The following KMT2C variants were observed in gnomAD, a reference collection of about 807,000 sequenced individuals.
KMT2C encodes the protein histone-lysine N-methyltransferase 2C.
In KMT2C, 88 loss-of-function variants were observed where a neutral mutation model predicts 507.9. The observed-to-expected ratio is 0.17, with a 90% CI of 0.15 to 0.21. The LOEUF (loss-of-function observed/expected upper bound fraction) is 0.21. Among genes scored for constraint, KMT2C ranks in the 10% least tolerant of loss-of-function variants. The pLI, the probability that KMT2C is intolerant of heterozygous loss-of-function variation, is 1.00. For missense variants in KMT2C, 4,954 were observed against 5,957.8 expected (o/e 0.83, Z 5.55); for synonymous variants, 2,049 against 2,080.8 (o/e 0.98, Z 0.42).
At chr7:152,247,615 TAAA>T in intron 14 of KMT2C, among the ~76,000 whole-genome samples, 1 of 152,420 alleles carries the variant, frequency 6.6e-6, no homozygotes, top group Non-Finnish European at 1.5e-5. Flanking sequence ...AGCACAGAAC[TAAA>T]AGAATTTTTA....
At position 152,180,000 on chromosome 7, in the gene KMT2C, C is replaced by G. The variant is rs761701407; in HGVS notation, c.7276G>C (p.Glu2426Gln). The change falls in exon 37 of 59, where the codon GAG becomes CAG. Residue 2426 changes from glutamate (E) to glutamine (Q), a missense_variant. Physicochemically the swap from Glu to Gln is conservative, Grantham distance 29. Transcript: ENST00000262189. ...CTGGTGAAAGCCTGGTTAACATTCT[C>G]TGGTTGCCAGTGTTGAAGAGGCCCT... ...HPGPLQHWQP[E>Q]NVNQAFTRPP... The G allele has an allele frequency of 6.2e-7, 1 of 1,614,166 alleles. No individual in the cohort carries two copies. The highest frequency in any genetic ancestry group is 1.7e-5 in the Admixed American group (1 of 60,030).
intron 18 of KMT2C, among the ~76,000 whole-genome samples, chr7:152,228,244 A>C (rs988029164): frequency 6.6e-6 from 1 of 152,210 alleles, no homozygotes; most frequent in African/African-American, 2.4e-5. Context: ...AAAACTATGG[A>C]GTCCCCAGTA....
intron 15 of KMT2C, among the ~76,000 whole-genome samples, chr7:152,237,252 T>A (rs2129156528): frequency 6.6e-6 from 1 of 152,406 alleles, no homozygotes; most frequent in East Asian, 1.9e-4. Context: ...ATTCCCTATT[T>A]AGCAGAATGG....
intron 2 of KMT2C, among the ~76,000 whole-genome samples, chr7:152,356,697 T>C (rs918401693): frequency 1.6e-4 from 24 of 151,692 alleles, no homozygotes; most frequent in African/African-American, 5.3e-4. Flanking sequence ...AAGACCAGCC[T>C]GGCCAATATG....
intron 6 of KMT2C, among the ~76,000 whole-genome samples, chr7:152,288,878 A>G (rs138513195): frequency 6.6e-6 from 1 of 152,288 alleles, no homozygotes; most frequent in Non-Finnish European, 1.5e-5. Flanking sequence ...ACAAAGCAGC[A>G]TAACATTTTT....
intron 1 of KMT2C, among the ~76,000 whole-genome samples, chr7:152,392,653 G>T (rs1464472109): frequency 2.6e-5 from 4 of 152,158 alleles, no homozygotes; most frequent in Non-Finnish European, 5.9e-5. Flanking sequence ...TATTTTGTGT[G>T]AATGCCCTCC....
chr7:152,186,370 C>T (rs1335379911), intron 33 of KMT2C, among the ~76,000 whole-genome samples: 1 of 152,148 alleles, frequency 6.6e-6, no homozygotes, highest in East Asian at 1.9e-4. Context: ...TGACAACATA[C>T]CCATGTACGT....
chr7:152,139,571 G>T, intron 56 of KMT2C, 104 bp downstream of exon 56: 1 of 783,820 alleles, frequency 1.3e-6, no homozygotes, highest in Non-Finnish European at 2.2e-6. Flanking sequence ...AAAGCTGAAT[G>T]CAGCATGACA....
chr7:152,165,476 A>G (rs2092685500), intron 42 of KMT2C, among the ~76,000 whole-genome samples: 1 of 152,244 alleles, frequency 6.6e-6, no homozygotes, highest in Admixed American at 6.5e-5. Context: ...ATTAACCTAC[A>G]GTAAACATGA....
chr7:152,195,641 G>C (rs572822548), intron 28 of KMT2C: 2 of 660,744 alleles, frequency 3.0e-6, no homozygotes, highest in Non-Finnish European at 3.7e-6. Context: ...ACAAACAAAA[G>C]AAGAAAAAAG....
At position 152,162,484 on chromosome 7, in the gene KMT2C, G is replaced by A. The variant is rs138747124; in HGVS notation, c.11093C>T (p.Thr3698Met). ...DFSQATPNQQ[T>M]YANSEVDKLS... ...CTTGTCTACTTCTGAATTTGCATACGTCTGTTGATTTGGAGTTGCTTGTGA... is the reference window on the plus strand; with the variant it reads ...CTTGTCTACTTCTGAATTTGCATACATCTGTTGATTTGGAGTTGCTTGTGA... Residue 3698 changes from threonine (T) to methionine (M), a missense_variant, in exon 43 of 59, where the codon ACG (threonine) becomes ATG (methionine). Around this residue, in one of 29 missense-constraint regions of KMT2C, gnomAD observed 801 missense variants for 751.2 expected, o/e 1.07. Transcript: ENST00000262189. The A allele has an allele frequency of 6.4e-5, 103 of 1,614,052 alleles. 1 individual carries two copies. The highest frequency in any genetic ancestry group is 4.3e-4 in the African/African-American group (32 of 74,900).
At chr7:152,139,342 T>A (rs1463509716) in intron 56 of KMT2C, 83 bp from the exon 57 acceptor site, 2 of 1,304,950 alleles carry the variant, frequency 1.5e-6, no homozygotes, top group Non-Finnish European at 2.2e-6. Context: ...GAGGACTCAG[T>A]CGAAACTGAA....
rs546136611 is a variant in KMT2C at position 152,144,192 on chromosome 7, TTTGGGTCTGCAGCTCAGGA to T, written c.14343+502_14343+520del. On this transcript the variant is annotated intron_variant, in intron 55 of 58. Transcript: ENST00000262189. The surrounding 1 kb of genome is among the most constrained non-coding windows in gnomAD (Gnocchi z 4.4). Reference sequence around the variant, plus strand: ...AAAATGCTGAACAGGCATTTGGATATTTGGGTCTGCAGCTCAGGAAGTATGGACTATAGGTGTAAACTTA... The same window carrying T: ...AAAATGCTGAACAGGCATTTGGATATAGTATGGACTATAGGTGTAAACTTA... 4.6e-3 allele frequency among the ~76,000 whole-genome samples: 708 copies of T among 152,312 alleles called. 3 individuals are homozygous for T. Among genetic ancestry groups the T allele is most frequent in the Middle Eastern group, 0.01 (3 of 294 alleles).
At chr7:152,215,513 CAAAAAAAAAAAA>C (rs35751147) in intron 23 of KMT2C, among the ~76,000 whole-genome samples, 9 of 25,968 alleles carry the variant, frequency 3.5e-4, no homozygotes, top group Admixed American at 1.6e-3. Flanking sequence ...GACTCTGTCT[CAAAAAAAAAAAA>C]AAAAAAAAAA....
In KMT2C at chr7:152,296,997, A is replaced by G. The variant is rs575884691; in HGVS notation, c.849+12969T>C. 4.6e-3 allele frequency among the ~76,000 whole-genome samples: 269 copies of G among 58,964 alleles called. 3 individuals carry two copies. Among genetic ancestry groups the G allele is most frequent in the African/African-American group, 0.014 (254 of 18,286 alleles). The allele number at this position is 58,964 out of a possible 152,430, so 38.7% of individuals were successfully genotyped here. A position where few individuals can be genotyped will look rare whatever the true frequency, so the allele number is the denominator to read the frequency against. ...ACCACTAAAAAGAAAGAAAGAAAGA[A>G]AAAGAAAGAAAGAAAGAAAGAAAGA... On this transcript the variant is annotated intron_variant, in intron 6 of 58. Transcript: ENST00000262189.
At chr7:152,146,757 A>AT in intron 52 of KMT2C, 22 bp from the exon 53 acceptor site, 1 of 1,607,972 alleles carries the variant, frequency 6.2e-7, no homozygotes, top group Non-Finnish European at 8.5e-7. Flanking sequence ...CAAAAACATA[A>AT]TTTTTATAGG....
At chr7:152,321,236 A>AATAC (rs960296500) in intron 3 of KMT2C, among the ~76,000 whole-genome samples, 73 of 151,044 alleles carry the variant, frequency 4.8e-4, no homozygotes, top group African/African-American at 1.8e-3. Context: ...CTTTCAAGAA[A>AATAC]ATAAATAAAT....
intron 31 of KMT2C, among the ~76,000 whole-genome samples, chr7:152,193,089 T>A: frequency 6.6e-6 from 1 of 152,054 alleles, no homozygotes; most frequent in Non-Finnish European, 1.5e-5. Context: ...GACAGTAGGA[T>A]CGCTTGAGCC....
intron 43 of KMT2C, among the ~76,000 whole-genome samples, chr7:152,160,973 A>C (rs1386700565): frequency 1.3e-5 from 2 of 152,284 alleles, no homozygotes; most frequent in Non-Finnish European, 2.9e-5. Context: ...CAAAAGATAA[A>C]AATATATTGT....
Sources: allele counts gnomAD v4.1 joint callset (sites outside exome capture counted in the v4.1 genomes callset), GRCh38; gene constraint gnomAD v4.1.1; regional missense constraint gnomAD v4.1.1; non-coding constraint Gnocchi (gnomAD v3.1); transcripts MANE v1.5; gene names NCBI Gene and HGNC (gene_info 2026-07-23, HGNC 2026-07-21).